COL4A6: variants seen among roughly 807,000 people sequenced by gnomAD.
COL4A6 encodes the protein collagen type IV alpha 6 chain.
COL4A6 carries 59 observed loss-of-function variants against 126.7 expected under a neutral mutation model. That is an observed-to-expected ratio of 0.47 (90% CI 0.38 to 0.58). COL4A6 has a LOEUF of 0.58. Among genes scored for constraint, COL4A6 ranks in the 20% least tolerant of loss-of-function variants. The pLI is 0.00. For missense variants in COL4A6, 1,285 were observed against 1,337.3 expected, an observed-to-expected ratio of 0.96 and a Z score of 0.61; for synonymous variants, 547 against 496.6, an observed-to-expected ratio of 1.10 and a Z score of -1.35.
At chrX:108,392,577 T>A (rs1049608833) in intron 2 of COL4A6, among the ~76,000 whole-genome samples, 1 of 111,741 alleles carries the variant, frequency 8.9e-6, no homozygotes, top group Non-Finnish European at 1.9e-5. Context: ...AGATACCACT[T>A]CACACTCATG....
intron 2 of COL4A6, among the ~76,000 whole-genome samples, chrX:108,377,981 C>A (rs376846100): frequency 2.2e-5 from 2 of 91,121 alleles, no homozygotes; most frequent in East Asian, 8.4e-4. Flanking sequence ...TCTAACTCAA[C>A]TTTCTAGTCA....
At chrX:108,261,256 T>C (rs1214647235) in intron 3 of COL4A6, among the ~76,000 whole-genome samples, 1 of 112,024 alleles carries the variant, frequency 8.9e-6, no homozygotes, top group Non-Finnish European at 1.9e-5. Flanking sequence ...TACATATGGC[T>C]AGAGGCTACT....
chrX:108,351,436 C>CTGTGTG (rs1336858729), intron 2 of COL4A6, among the ~76,000 whole-genome samples: 162 of 82,234 alleles, frequency 2.0e-3, no homozygotes, highest in East Asian at 0.015. Context: ...AGGTAACTCT[C>CTGTGTG]TCTCTCTGTG....
Position 108,169,965 on chromosome X carries a change from T to A in COL4A6, c.3545A>T (p.Lys1182Met). The change falls in exon 36 of 45, where the codon AAG becomes ATG. Residue 1182 changes from lysine to methionine, a missense_variant. Coordinates refer to ENST00000334504, the MANE Select transcript of COL4A6 (RefSeq NM_033641.4). ...CTAACCTGGAGTGCCATGGGTACCC[T>A]TGGTGCCCGGAAGCCCATTCAGTCC... ...LHGLNGLPGT[K>M]GTHGTPGPSI... 8.4e-7 allele frequency: 1 copy of A among 1,189,548 alleles called. No homozygotes were observed. Among genetic ancestry groups the A allele is most frequent in the Non-Finnish European group, 1.1e-6 (1 of 882,691 alleles).
chrX:108,158,023 C>T (rs757200419), intron 44 of COL4A6, among the ~76,000 whole-genome samples: 45 of 111,261 alleles, frequency 4.0e-4, no homozygotes, highest in Non-Finnish European at 7.3e-4. Context: ...CCTTACTTTG[C>T]AGAACTTTGC....
chrX:108,325,467 A>C (rs967702761), intron 2 of COL4A6, among the ~76,000 whole-genome samples: 30 of 111,640 alleles, frequency 2.7e-4, no homozygotes, highest in Non-Finnish European at 4.7e-4. Flanking sequence ...TTGCAGTTAA[A>C]AACCTTCCAA....
intron 2 of COL4A6, among the ~76,000 whole-genome samples, chrX:108,341,138 A>G (rs748746075): frequency 5.4e-5 from 6 of 111,449 alleles, no homozygotes; most frequent in Non-Finnish European, 1.1e-4. Flanking sequence ...CTAAACATCC[A>G]TTGGGCTGTG....
intron 44 of COL4A6, among the ~76,000 whole-genome samples, chrX:108,157,929 C>T (rs1388973481): frequency 8.9e-6 from 1 of 111,836 alleles, no homozygotes; most frequent in Admixed American, 9.5e-5. Flanking sequence ...ATCTGGACCA[C>T]AAGGAGATAG....
chrX:108,343,134 A>AAT lies in COL4A6; in HGVS notation c.64-32308_64-32307dup, dbSNP rs555568295. ...GAGCGCTATGAAAAAGATTAATGGG[A>AAT]ATATATATATATATATATATATATA... On this transcript the variant is annotated intron_variant, in intron 2 of 44. Transcript: ENST00000334504. Among the ~76,000 whole-genome samples, 130 of 55,179 alleles carry AAT rather than the reference A, an allele frequency of 2.4e-3. 1 individual carries two copies. The highest frequency in any genetic ancestry group is 2.9e-3 in the Non-Finnish European group (92 of 31,908). 47.9% of individuals were successfully genotyped at this position (55,179 alleles called of 115,157 possible). A position where few individuals can be genotyped will look rare whatever the true frequency, so the allele number is the denominator to read the frequency against.
At chrX:108,312,930 A>G (rs751970431) in intron 2 of COL4A6, among the ~76,000 whole-genome samples, 15 of 107,324 alleles carry the variant, frequency 1.4e-4, no homozygotes, top group Non-Finnish European at 2.5e-4. Context: ...TAAGACAGGG[A>G]AAAAAAAAAC....
intron 3 of COL4A6, among the ~76,000 whole-genome samples, chrX:108,240,071 C>T (rs773545281): frequency 3.6e-5 from 4 of 110,648 alleles, no homozygotes; most frequent in Non-Finnish European, 7.6e-5. Flanking sequence ...GGTGAAACCT[C>T]GTCTCTACTA....
intron 3 of COL4A6, among the ~76,000 whole-genome samples, chrX:108,251,174 T>G (rs180769121): frequency 1.8e-4 from 20 of 111,770 alleles, no homozygotes; most frequent in Admixed American, 6.6e-4. Flanking sequence ...TCCTTGGCTT[T>G]AAACCCAAAG....
Position 108,169,971 on chromosome X carries a change from C to T in COL4A6, c.3539G>A (p.Gly1180Asp), listed in dbSNP as rs1254609722. Residue 1180 changes from glycine to aspartate, a missense_variant, in exon 36 of 45, where the codon GGC becomes GAC. Transcript: ENST00000334504. ...TGGAGTGCCATGGGTACCCTTGGTG[C>T]CCGGAAGCCCATTCAGTCCATGTAA... is the stretch of plus-strand genomic sequence containing the variant. ...PGLHGLNGLPGTKGTHGTPGP... is the reference protein window; with the variant it reads ...PGLHGLNGLPDTKGTHGTPGP... The T allele has an allele frequency of 3.4e-6, 4 of 1,189,990 alleles. No individual in the cohort carries two copies. Among genetic ancestry groups the T allele is most frequent in the Non-Finnish European group, 4.5e-6 (4 of 883,195 alleles).
chrX:108,298,108 C>G (rs1366475398), intron 3 of COL4A6, among the ~76,000 whole-genome samples: 1 of 112,070 alleles, frequency 8.9e-6, no homozygotes, highest in African/African-American at 3.2e-5. Flanking sequence ...TAGATGATTG[C>G]CCTTCTGGCT....
At chrX:108,276,498 T>C (rs1204888793) in intron 3 of COL4A6, among the ~76,000 whole-genome samples, 1 of 112,615 alleles carries the variant, frequency 8.9e-6, no homozygotes, top group Admixed American at 9.4e-5. Flanking sequence ...ATTTAGCACC[T>C]ACTATGTCCC....
At chrX:108,181,350 T>C (rs1769558937) in intron 23 of COL4A6, among the ~76,000 whole-genome samples, 1 of 112,232 alleles carries the variant, frequency 8.9e-6, no homozygotes, top group Admixed American at 9.4e-5. Flanking sequence ...AGGATGGGTG[T>C]TGGGGGTTAG....
chrX:108,437,914 C>A, intron 2 of COL4A6, 28 bp downstream of exon 2: 8 of 1,208,238 alleles, frequency 6.6e-6, no homozygotes, highest in Non-Finnish European at 9.0e-6. Context: ...AGGAGGGGGA[C>A]GGAAAAGGGT....
intron 42 of COL4A6, 30 bp downstream of exon 42, chrX:108,161,589 C>A: frequency 1.9e-6 from 1 of 539,016 alleles, no homozygotes. Context: ...ATCCCCGCCC[C>A]GCCCGCCTCC....
rs770584099 is a variant in COL4A6, at chrX:108,331,598, C to T, written c.64-20770G>A. 1.5e-4 allele frequency among the ~76,000 whole-genome samples: 17 copies of T among 111,740 alleles called. No homozygotes were observed. In the South Asian group the frequency reaches 6.4e-3, roughly 42 times the overall value. On this transcript the variant is annotated intron_variant, in intron 2 of 44. Coordinates refer to ENST00000334504, the MANE Select transcript of COL4A6 (RefSeq NM_033641.4). ...CTTGACCAAGACATTGTTTGTGGCA[C>T]GTGATTATATTTGTATTAAGGAATT...
Sources: allele counts gnomAD v4.1 joint callset (sites outside exome capture counted in the v4.1 genomes callset), GRCh38; gene constraint gnomAD v4.1.1; transcripts MANE v1.5; gene names NCBI Gene and HGNC (gene_info 2026-07-23, HGNC 2026-07-21).